The following MAGIX variants were observed in gnomAD, a reference collection of about 807,000 sequenced individuals.
The protein encoded by MAGIX is MAGI family member, X-linked, also known as PDZ domain-containing protein MAGIX.
In MAGIX, 13 loss-of-function variants were observed where a neutral mutation model predicts 10.0. The observed-to-expected ratio is 1.30, with a 90% CI of 0.84 to 2.06. MAGIX has a LOEUF of 2.06. MAGIX is among the 30% of genes most tolerant of loss of function. MAGIX has a pLI of 0.00. For missense variants in MAGIX, 235 were observed against 245.2 expected (o/e 0.96, Z 0.28); for synonymous variants, 108 against 106.8 (o/e 1.01, Z -0.07).
exon 5 of MAGIX, chrX:49,167,289 G>C (rs1453370601): frequency 8.7e-6 from 1 of 114,310 alleles, no homozygotes; most frequent in Non-Finnish European, 1.9e-5. Flanking sequence ...TCCCGGCACG[G>C]GAGAGGCCCA....
intron 1 of MAGIX, 88 bp from the exon 2 acceptor site, chrX:49,163,695 G>A (rs1263958033): frequency 2.1e-5 from 19 of 887,372 alleles, no homozygotes; most frequent in Non-Finnish European, 2.7e-5. Flanking sequence ...GGTATCCTGA[G>A]GGGCATTTCT....
chrX:49,163,301 A>G, intron 1 of MAGIX: 1 of 81,936 alleles, frequency 1.2e-5, no homozygotes, highest in Non-Finnish European at 2.2e-5. Flanking sequence ...GTGGAGGGGG[A>G]CTCTGGAGGT....
chrX:49,165,374 A>C lies in MAGIX; in HGVS notation c.502+13A>C. 1 of 1,141,659 alleles carries C rather than the reference A, an allele frequency of 8.8e-7. No homozygotes were observed. Among genetic ancestry groups the C allele is most frequent in the Non-Finnish European group, 1.2e-6 (1 of 858,703 alleles). 94.1% of individuals were successfully genotyped at this position (1,141,659 alleles called of 1,213,427 possible). ...CGAAAAGGAGTTGGTGGGTTTCCCAAGGGAGAGAAGTCAGAGATCAGTGAG... is the reference window on the plus strand; with the variant it reads ...CGAAAAGGAGTTGGTGGGTTTCCCACGGGAGAGAAGTCAGAGATCAGTGAG... On this transcript the variant is annotated intron_variant, in intron 4 of 4. Transcript: ENST00000616266.
exon 3 of MAGIX, chrX:49,164,968 G>C (rs782660931): frequency 8.2e-7 from 1 of 1,212,135 alleles, no homozygotes; most frequent in East Asian, 3.0e-5. Context: ...TGTGGAGCTG[G>C]TTCGCGGTTA....
chrX:49,165,390 G>A lies in MAGIX; in HGVS notation c.502+29G>A, dbSNP rs782673082. ...GGTTTCCCAAGGGAGAGAAGTCAGA[G>A]ATCAGTGAGGAGAAGGGAGAGGTTC... On this transcript the variant is annotated intron_variant, in intron 4 of 4. Transcript: ENST00000616266. 15 of 1,106,584 alleles carry A rather than the reference G, an allele frequency of 1.4e-5. No homozygotes were observed. The South Asian group carries it at 2.9e-4, about 21-fold the overall frequency. 91.2% of individuals were successfully genotyped at this position (1,106,584 alleles called of 1,213,427 possible).
At chrX:49,166,271 A>C in exon 5 of MAGIX, 3 of 1,195,451 alleles carry the variant, frequency 2.5e-6, no homozygotes, top group Non-Finnish European at 3.4e-6. Flanking sequence ...TGAGGATCCC[A>C]ACGACCAGAT....
At chrX:49,163,810 C>A in exon 2 of MAGIX, 1 of 1,052,086 alleles carries the variant, frequency 9.5e-7, no homozygotes, top group East Asian at 4.1e-5. Flanking sequence ...CTCGCGGGCC[C>A]TAGCGCCCGG....
At chrX:49,165,670 T>G in intron 4 of MAGIX, 1 of 322,239 alleles carries the variant, frequency 3.1e-6, no homozygotes, top group Admixed American at 5.5e-5. Context: ...AGGGTCTTAG[T>G]TCTCAGAGGC....
chrX:49,165,685 G>T (rs782791161), intron 4 of MAGIX: 2 of 320,852 alleles, frequency 6.2e-6, no homozygotes, highest in South Asian at 8.0e-5. Context: ...AGAGGCGAAG[G>T]CAGAGTGGAT....
At chrX:49,166,648 C>T (rs2065370303) in exon 5 of MAGIX, 1 of 350,643 alleles carries the variant, frequency 2.9e-6, no homozygotes, top group Non-Finnish European at 5.0e-6. Flanking sequence ...ACTTGCCAGG[C>T]GCTCGAGGCG....
intron 1 of MAGIX, chrX:49,162,812 C>T (rs2065337696): frequency 1.7e-6 from 1 of 582,000 alleles, no homozygotes; most frequent in Middle Eastern, 5.7e-4. Flanking sequence ...AGGGCCTGGG[C>T]GGGCCGCCAG....
chrX:49,165,414 T>C, intron 4 of MAGIX, 53 bp downstream of exon 5: 1 of 1,047,654 alleles, frequency 9.5e-7, no homozygotes, highest in East Asian at 3.3e-5. Context: ...AGGGAGAGGT[T>C]CACAGAGTGG....
chrX:49,164,017 T>G, intron 2 of MAGIX, 88 bp downstream of exon 2: 20 of 854,013 alleles, frequency 2.3e-5, no homozygotes, highest in East Asian at 9.8e-5. Context: ...CAGCAGCTAC[T>G]GCCCTGTCTT....
chrX:49,165,098 C>T lies in MAGIX; in HGVS notation c.330+8C>T, dbSNP rs782147031. The T allele has an allele frequency of 5.8e-6, 7 of 1,203,234 alleles. No homozygotes were observed. Among genetic ancestry groups the T allele is most frequent in the Non-Finnish European group, 7.9e-6 (7 of 889,148 alleles). On this transcript the variant is annotated splice_region_variant and intron_variant, in intron 3 of 4. Transcript: ENST00000616266. ...CGCTGTGGTCGTTTGGAGGTGAGCC[C>T]TGAAGCCCCTTCCACTGGTAGGTGC...
At chrX:49,163,658 T>C (rs2065344445) in intron 1 of MAGIX, 125 bp from the exon 2 acceptor site, 19 of 649,094 alleles carry the variant, frequency 2.9e-5, no homozygotes, top group Non-Finnish European at 3.4e-5. Flanking sequence ...CCTCCGAAAC[T>C]ATCGAGGGAG....
At chrX:49,163,814 C>T (rs1299327352) in exon 2 of MAGIX, 4 of 1,048,648 alleles carry the variant, frequency 3.8e-6, no homozygotes, top group Non-Finnish European at 4.9e-6. Flanking sequence ...CGGGCCCTAG[C>T]GCCCGGCAGC....
At chrX:49,162,819 C>G (rs1235912936) in intron 1 of MAGIX, 1 of 637,676 alleles carries the variant, frequency 1.6e-6, no homozygotes, top group African/African-American at 2.4e-5. Flanking sequence ...GGGCGGGCCG[C>G]CAGGTGAGCG....
chrX:49,164,747 C>T (rs782263835), exon 3 of MAGIX: 88 of 1,210,537 alleles, frequency 7.3e-5, no homozygotes, highest in Non-Finnish European at 9.6e-5. Flanking sequence ...AGGTCACAGA[C>T]AGTCGCCTGC....
chrX:49,165,118 A>C, intron 3 of MAGIX, 28 bp downstream of exon 4: 1 of 1,200,519 alleles, frequency 8.3e-7, no homozygotes, highest in African/African-American at 1.7e-5. Flanking sequence ...TTCCACTGGT[A>C]GGTGCTATCC....
Sources: gnomAD v4.1 joint callset for allele counts on GRCh38, gnomAD v4.1.1 for gene constraint, MANE v1.5 for transcripts, NCBI Gene and HGNC (gene_info 2026-07-23, HGNC 2026-07-21) for gene names.